SRSF10: variants seen among roughly 807,000 people sequenced by gnomAD.
The protein encoded by SRSF10 is serine and arginine rich splicing factor 10, also known as serine/arginine-rich splicing factor 10.
A neutral mutation model predicts 32.6 loss-of-function variants in SRSF10; 9 were observed. The ratio of observed to expected loss-of-function variants is 0.28; its 90% CI spans 0.17 to 0.48. SRSF10 has a LOEUF of 0.48. Ranked by LOEUF, SRSF10 falls within the 20% of genes least tolerant of loss-of-function variation. The pLI, the probability that SRSF10 is intolerant of heterozygous loss-of-function variation, is 0.99. For missense variants in SRSF10, 201 were observed against 331.8 expected (o/e 0.61, Z 3.06); for synonymous variants, 105 against 112.4 (o/e 0.93, Z 0.42).
intron 2 of SRSF10, chr1:23,977,864 A>G (rs1024713323): frequency 2.3e-6 from 2 of 879,048 alleles, no homozygotes; most frequent in Non-Finnish European, 2.6e-6. Context: ...AACTGCTTAC[A>G]AAACATTAAA....
chr1:23,971,669 T>C, intron 4 of SRSF10, 43 bp from the exon 5 acceptor site: 9 of 1,591,480 alleles, frequency 5.7e-6, no homozygotes, highest in South Asian at 1.2e-5. Context: ...TATCTATTCA[T>C]AGAGGCAAAG....
chr1:23,972,885 C>CA (rs1404510479), intron 3 of SRSF10, among the ~76,000 whole-genome samples: 7 of 152,106 alleles, frequency 4.6e-5, no homozygotes, highest in African/African-American at 1.4e-4. Context: ...GGGATTACAG[C>CA]ATGCGCCACC....
chr1:23,971,627 C>A lies in SRSF10; in HGVS notation c.438-1G>T. On this transcript the variant is annotated splice_acceptor_variant, in intron 4 of 5. Coordinates refer to ENST00000492112, the MANE Select transcript of SRSF10 (RefSeq NM_054016.4). LOFTEE classifies it high-confidence loss of function. ...CCGTGGTCTTCCAGTCGGTCTACTG[C>A]TAAAAAGCATATCAGAAAAAGCAGT... 6.2e-7 allele frequency: 1 copy of A among 1,609,988 alleles called. No individual in the cohort carries two copies. Among genetic ancestry groups the A allele is most frequent in the East Asian group, 2.2e-5 (1 of 44,836 alleles).
chr1:23,971,110 T>A lies in SRSF10; in HGVS notation c.*32A>T. 1 of 1,560,442 alleles carries A rather than the reference T, an allele frequency of 6.4e-7. No homozygotes were observed. The highest frequency in any genetic ancestry group is 8.6e-7 in the Non-Finnish European group (1 of 1,158,080). On this transcript the variant is annotated 3_prime_UTR_variant, in exon 6 of 6. Coordinates refer to ENST00000492112, the MANE Select transcript of SRSF10 (RefSeq NM_054016.4). ...AACCAAACTATGAGTAAATGAATGATACATGCCTAAAAATGACCATGGTTT... is the reference window on the plus strand; with the variant it reads ...AACCAAACTATGAGTAAATGAATGAAACATGCCTAAAAATGACCATGGTTT...
rs1641662088 is a variant in SRSF10, at chr1:23,970,208, A to G, written c.*934T>C. Reference sequence around the variant, plus strand: ...TGAGTTTTTGTGTTTTCTATGTTCCAAATCTTCATAGGAACCAGAAAAAAA... The same window carrying G: ...TGAGTTTTTGTGTTTTCTATGTTCCGAATCTTCATAGGAACCAGAAAAAAA... On this transcript the variant is annotated 3_prime_UTR_variant, in exon 6 of 6. Coordinates refer to ENST00000492112, the MANE Select transcript of SRSF10 (RefSeq NM_054016.4). 1 of 985,296 alleles carries G rather than the reference A, an allele frequency of 1.0e-6. No individual in the cohort carries two copies. Among genetic ancestry groups the G allele is most frequent in the Non-Finnish European group, 1.2e-6 (1 of 829,932 alleles). 61.0% of individuals were successfully genotyped at this position (985,296 alleles called of 1,614,324 possible). A position where few individuals can be genotyped will look rare whatever the true frequency, so the allele number is the denominator to read the frequency against.
chr1:23,978,743 G>C lies in SRSF10; in HGVS notation c.140C>G (p.Thr47Ser), dbSNP rs1261324783. 6.2e-7 allele frequency: 1 copy of C among 1,613,284 alleles called. No individual in the cohort carries two copies. The highest frequency in any genetic ancestry group is 1.3e-5 in the African/African-American group (1 of 74,928). ...ATAAGCAAATCCTCTTGGACGGCGA[G>C]TGTAGAAATCAAGTGGAACATACAC... The part of the protein sequence containing the change: ...VDVYVPLDFY[T>S]RRPRGFAYVQ... The change falls in exon 2 of 6, where the codon ACT becomes AGT. Residue 47 changes from threonine to serine, a missense_variant. By Grantham distance (58) the Thr-to-Ser change is moderately conservative. This residue lies in a region of SRSF10 where 41 missense variants were observed against 109.5 expected (regional missense o/e 0.37). Coordinates refer to ENST00000492112, the MANE Select transcript of SRSF10 (RefSeq NM_054016.4).
chr1:23,971,632 A>G lies in SRSF10; in HGVS notation c.438-6T>C. The G allele has an allele frequency of 6.2e-7, 1 of 1,609,522 alleles. No individual in the cohort carries two copies. The highest frequency in any genetic ancestry group is 8.5e-7 in the Non-Finnish European group (1 of 1,179,434). On this transcript the variant is annotated splice_polypyrimidine_tract_variant and splice_region_variant and intron_variant, in intron 4 of 5. Coordinates refer to ENST00000492112, the MANE Select transcript of SRSF10 (RefSeq NM_054016.4). Reference sequence around the variant, plus strand: ...GTCTTCCAGTCGGTCTACTGCTAAAAAGCATATCAGAAAAAGCAGTGACAA... The same window carrying G: ...GTCTTCCAGTCGGTCTACTGCTAAAGAGCATATCAGAAAAAGCAGTGACAA...
At position 23,970,658 on chromosome 1, in the gene SRSF10, C is replaced by T. The variant is rs1477133418; in HGVS notation, c.*484G>A. 12 of 986,066 alleles carry T rather than the reference C, an allele frequency of 1.2e-5. No homozygotes were observed. Among genetic ancestry groups the T allele is most frequent in the East Asian group, 1.1e-4 (1 of 8,844 alleles). 61.1% of individuals were successfully genotyped at this position (986,066 alleles called of 1,614,324 possible). The stretch of plus-strand genomic sequence containing the variant: ...ACAGGTGTGAGCCACCACGCCCAGC[C>T]GGGCCTAGACATCTTGACAAGACAT... On this transcript the variant is annotated 3_prime_UTR_variant, in exon 6 of 6. Transcript: ENST00000492112.
At chr1:23,972,090 C>A in intron 3 of SRSF10, 78 bp from the exon 4 acceptor site, 2 of 1,256,314 alleles carry the variant, frequency 1.6e-6, no homozygotes, top group Non-Finnish European at 2.1e-6. Context: ...GGAAAAAAAT[C>A]CCTGCATCCC....
intron 1 of SRSF10, among the ~76,000 whole-genome samples, chr1:23,979,295 T>C (rs1427984070): frequency 1.8e-5 from 1 of 55,432 alleles, no homozygotes; most frequent in Non-Finnish European, 6.0e-5. Context: ...AAAGAATTAT[T>C]TATGGAAAGA....
rs1358166968 is a variant in SRSF10, at chr1:23,980,290, G to A, written c.-35C>T. The A allele has an allele frequency of 9.8e-6, 14 of 1,435,582 alleles. No individual in the cohort carries two copies. The highest frequency in any genetic ancestry group is 5.2e-5 in the Admixed American group (2 of 38,614). The allele number at this position is 1,435,582 out of a possible 1,614,324, so 88.9% of individuals were successfully genotyped here. On this transcript the variant is annotated 5_prime_UTR_variant, in exon 1 of 6. Coordinates refer to ENST00000492112, the MANE Select transcript of SRSF10 (RefSeq NM_054016.4). ...GTGTCTCGGCCGGGCGCACTAACGG[G>A]CTCAGCAAACCGTCCGCGGCTCAGG...
chr1:23,978,815 G>C lies in SRSF10; in HGVS notation c.68C>G (p.Ser23Cys). 1 of 1,600,664 alleles carries C rather than the reference G, an allele frequency of 6.2e-7. No individual in the cohort carries two copies. The highest frequency in any genetic ancestry group is 8.5e-7 in the Non-Finnish European group (1 of 1,172,698). The change falls in exon 2 of 6, where the codon TCT becomes TGT. Residue 23 changes from serine (S) to cysteine (C), a missense_variant and splice_region_variant. Coordinates refer to ENST00000492112, the MANE Select transcript of SRSF10 (RefSeq NM_054016.4). Reference sequence around the variant, plus strand: ...ACCAAATTCACGCCGCAAGTCTTCAGACCTAAAACATCATAAAAAGACCTC... The same window carrying C: ...ACCAAATTCACGCCGCAAGTCTTCACACCTAAAACATCATAAAAAGACCTC... ...FVRNVADDTR[S>C]EDLRREFGRY...
chr1:23,967,929 T>C lies in SRSF10; in HGVS notation c.*3213A>G. On this transcript the variant is annotated 3_prime_UTR_variant, in exon 6 of 6. Transcript: ENST00000492112. ...CCTTTCCTCTCTCACTGAAGCATTA[T>C]CTCTCATTTTTCTTCTTGCTTACTT... The C allele has an allele frequency of 1.9e-6, 3 of 1,544,194 alleles. No homozygotes were observed. Among genetic ancestry groups the C allele is most frequent in the African/African-American group, 1.4e-5 (1 of 71,758 alleles).
In SRSF10 at chr1:23,968,164, G is replaced by A. The variant is rs1641549767; in HGVS notation, c.*2978C>T. 6.6e-6 allele frequency among the ~76,000 whole-genome samples: 1 copy of A among 152,060 alleles called. No individual in the cohort carries two copies. The highest frequency in any genetic ancestry group is 6.6e-5 in the Admixed American group (1 of 15,248). Reference sequence around the variant, plus strand: ...TAAAGATCCTCATCAAGTATCAGTAGGATCCAAACTACCATGGGTTCAACT... The same window carrying A: ...TAAAGATCCTCATCAAGTATCAGTAAGATCCAAACTACCATGGGTTCAACT... On this transcript the variant is annotated 3_prime_UTR_variant, in exon 6 of 6. Coordinates refer to ENST00000492112, the MANE Select transcript of SRSF10 (RefSeq NM_054016.4).
rs1034521308 is a variant in SRSF10 at position 23,968,630 on chromosome 1, C to T, written c.*2512G>A. Among the ~76,000 whole-genome samples the T allele has an allele frequency of 2.6e-5, 4 of 152,170 alleles. No homozygotes were observed. Among genetic ancestry groups the T allele is most frequent in the East Asian group, 1.9e-4 (1 of 5,206 alleles). On this transcript the variant is annotated 3_prime_UTR_variant, in exon 6 of 6. Coordinates refer to ENST00000492112, the MANE Select transcript of SRSF10 (RefSeq NM_054016.4). ...TAGATAGAATTCAAACCACAAAATA[C>T]CTAACCTACTTCCCCAAAGAGGTTA...
chr1:23,971,637 T>C lies in SRSF10; in HGVS notation c.438-11A>G, dbSNP rs1641759342. 3.1e-6 allele frequency: 5 copies of C among 1,608,438 alleles called. No individual in the cohort carries two copies. Among genetic ancestry groups the C allele is most frequent in the Admixed American group, 1.7e-5 (1 of 59,390 alleles). On this transcript the variant is annotated splice_polypyrimidine_tract_variant and intron_variant, in intron 4 of 5. Coordinates refer to ENST00000492112, the MANE Select transcript of SRSF10 (RefSeq NM_054016.4). ...CCAGTCGGTCTACTGCTAAAAAGCA[T>C]ATCAGAAAAAGCAGTGACAAATATC...
rs1272844918 is a variant in SRSF10, at chr1:23,965,666, G to C, written c.*5476C>G. The C allele has an allele frequency of 6.6e-6, 1 of 151,902 alleles. No homozygotes were observed. Among genetic ancestry groups the C allele is most frequent in the Non-Finnish European group, 1.5e-5 (1 of 67,844 alleles). 9.4% of individuals were successfully genotyped at this position (151,902 alleles called of 1,614,324 possible). A position where few individuals can be genotyped will look rare whatever the true frequency, so the allele number is the denominator to read the frequency against. On this transcript the variant is annotated 3_prime_UTR_variant, in exon 6 of 6. Coordinates refer to ENST00000492112, the MANE Select transcript of SRSF10 (RefSeq NM_054016.4). ...TTCAGTATAGAGAGAAACAACCACA[G>C]AAGAGATCCTAAAGCAATTCATTCA...
intron 2 of SRSF10, chr1:23,978,038 C>T: frequency 2.0e-6 from 2 of 985,390 alleles, no homozygotes; most frequent in Non-Finnish European, 2.4e-6. Context: ...TTATCTTTAA[C>T]TTTGAAAAAC....
intron 3 of SRSF10, among the ~76,000 whole-genome samples, chr1:23,972,889 C>T (rs939792135): frequency 6.6e-6 from 1 of 152,102 alleles, no homozygotes; most frequent in Non-Finnish European, 1.5e-5. Flanking sequence ...TTACAGCATG[C>T]GCCACCACAC....
Sources: gnomAD v4.1 joint callset for allele counts (sites outside exome capture counted in the v4.1 genomes callset) on GRCh38, gnomAD v4.1.1 for gene constraint, gnomAD v4.1.1 regional missense constraint, MANE v1.5 for transcripts, NCBI Gene and HGNC (gene_info 2026-07-23, HGNC 2026-07-21) for gene names.